Variants in ALG12 observed in about 807,000 individuals in gnomAD.
ALG12 encodes ALG12 alpha-1,6-mannosyltransferase, also known as dol-P-Man:Man(7)GlcNAc(2)-PP-Dol alpha-1,6-mannosyltransferase.
Under a neutral mutation model 46.0 loss-of-function variants are expected in ALG12, and 36 were observed. That is an observed-to-expected ratio of 0.78 (90% confidence interval 0.60 to 1.03). The LOEUF (loss-of-function observed/expected upper bound fraction) is 1.03, where lower values mean the gene tolerates loss of function less well. Among genes scored for constraint, ALG12 ranks in the 50% least tolerant of loss-of-function variants. The pLI is 0.00. For missense variants in ALG12, 599 were observed against 633.5 expected (o/e 0.95, Z 0.58); for synonymous variants, 326 against 291.6 (o/e 1.12, Z -1.20).
At chr22:49,865,037 G>A in the ALG12 span, among the ~76,000 whole-genome samples, 1 of 144,986 alleles carries the variant, frequency 6.9e-6, no homozygotes, top group Non-Finnish European at 1.5e-5. Context: ...TGCAAGTGAC[G>A]GCAGCCCCGG....
the ALG12 span, chr22:49,887,040 A>T: frequency 3.1e-6 from 5 of 1,613,952 alleles, no homozygotes; most frequent in East Asian, 1.1e-4. Context: ...GCTGCCCCCC[A>T]AGCATCGTCC....
At chr22:49,910,931 C>T (rs1458040713) in intron 3 of ALG12, among the ~76,000 whole-genome samples, 1 of 152,230 alleles carries the variant, frequency 6.6e-6, no homozygotes, top group African/African-American at 2.4e-5. Context: ...CGGGCTGTGG[C>T]ATCTCCAGGG....
chr22:49,886,466 G>A, the ALG12 span: 297 of 1,571,178 alleles, frequency 1.9e-4, no homozygotes, highest in African/African-American at 3.4e-3. The surrounding 1 kb of genome is among the most constrained non-coding windows in gnomAD (Gnocchi z 7.7). Flanking sequence ...TCCGTGTGCC[G>A]TGCGCTAAAG....
the ALG12 span, among the ~76,000 whole-genome samples, chr22:49,892,712 G>A: frequency 6.6e-6 from 1 of 152,282 alleles, no homozygotes; most frequent in South Asian, 2.1e-4. Flanking sequence ...CATGGCTTGA[G>A]CCATCTCAGC....
chr22:49,894,808 G>C, the ALG12 span, among the ~76,000 whole-genome samples: 1 of 152,232 alleles, frequency 6.6e-6, no homozygotes, highest in Non-Finnish European at 1.5e-5. Flanking sequence ...CCTGCCGGAC[G>C]GCCGTCTCCT....
chr22:49,884,160 G>T, the ALG12 span: 1 of 1,613,010 alleles, frequency 6.2e-7, no homozygotes, highest in South Asian at 1.1e-5. Context: ...GCGCACACCC[G>T]ACCGTGCTCA....
chr22:49,895,592 C>T (rs2060480584), downstream of ALG12, among the ~76,000 whole-genome samples: 3 of 151,230 alleles, frequency 2.0e-5, no homozygotes, highest in Non-Finnish European at 4.4e-5. Flanking sequence ...GCAGTGGTTG[C>T]AGTGAGCTGA....
At chr22:49,873,769 A>T in the ALG12 span, among the ~76,000 whole-genome samples, 56 of 152,280 alleles carry the variant, frequency 3.7e-4, 2 homozygotes, top group East Asian at 0.011. Flanking sequence ...GAGAGTCAAG[A>T]CCAACCTAGA....
chr22:49,870,135 G>A, the ALG12 span, among the ~76,000 whole-genome samples: 1 of 152,208 alleles, frequency 6.6e-6, no homozygotes, highest in Non-Finnish European at 1.5e-5. Context: ...ATGCATGCAT[G>A]TTGCTGCAAG....
chr22:49,868,174 T>G, the ALG12 span, among the ~76,000 whole-genome samples: 1 of 152,270 alleles, frequency 6.6e-6, no homozygotes, highest in African/African-American at 2.4e-5. Context: ...AGTCTTCTTT[T>G]TTGTTGTTGT....
the ALG12 span, among the ~76,000 whole-genome samples, chr22:49,862,210 G>A: frequency 2.0e-3 from 298 of 152,362 alleles, 2 homozygotes; most frequent in African/African-American, 7.0e-3. Flanking sequence ...GGCCCTGTGC[G>A]TGGAACCTAT....
At chr22:49,885,818 A>G in the ALG12 span, 7 of 1,581,260 alleles carry the variant, frequency 4.4e-6, no homozygotes, top group African/African-American at 5.4e-5. Context: ...ATTATGTCCC[A>G]CCTTAAGGAA....
the ALG12 span, among the ~76,000 whole-genome samples, chr22:49,860,965 G>A: frequency 1.6e-3 from 241 of 147,436 alleles, 1 homozygote; most frequent in Non-Finnish European, 2.7e-3. Flanking sequence ...CTTTAGTAGA[G>A]ATGGGGTTTC....
chr22:49,887,267 G>C, the ALG12 span: 3 of 1,395,922 alleles, frequency 2.1e-6, no homozygotes, highest in South Asian at 2.7e-5. Context: ...GCCCACGGCT[G>C]TGTACGACAT....
the ALG12 span, among the ~76,000 whole-genome samples, chr22:49,859,451 C>T: frequency 3.3e-5 from 5 of 152,144 alleles, no homozygotes; most frequent in African/African-American, 9.7e-5. Context: ...CCTTTTCACT[C>T]CATACGTGGT....
chr22:49,904,542 G>T, intron 7 of ALG12, 36 bp from the exon 8 acceptor site: 1 of 1,610,764 alleles, frequency 6.2e-7, no homozygotes, highest in Non-Finnish European at 8.5e-7. Flanking sequence ...TAGGCAGAAC[G>T]TAATGACAAT....
chr22:49,860,430 C>T, the ALG12 span, among the ~76,000 whole-genome samples: 1 of 152,218 alleles, frequency 6.6e-6, no homozygotes, highest in African/African-American at 2.4e-5. Flanking sequence ...AATGTGCATA[C>T]AGTAGGTTGT....
Position 49,903,813 on chromosome 22 carries a change from G to A in ALG12, c.*25C>T. The stretch of plus-strand genomic sequence containing the variant: ...GATAACAGCTCCTGGAAGGCCTGTG[G>A]CTGCTGAGGGCTGCCTGGTCCCCCT... On this transcript the variant is annotated 3_prime_UTR_variant, in exon 10 of 10. Coordinates refer to ENST00000330817, the MANE Select transcript of ALG12 (RefSeq NM_024105.4). 1 of 1,611,632 alleles carries A rather than the reference G, an allele frequency of 6.2e-7. No individual in the cohort carries two copies.
chr22:49,897,202 A>G (rs911268733), downstream of ALG12, among the ~76,000 whole-genome samples: 1 of 150,322 alleles, frequency 6.7e-6, no homozygotes, highest in Admixed American at 6.6e-5. Flanking sequence ...AATAACAGAC[A>G]TGCCACAGTT....
Sources: gnomAD v4.1 joint callset for allele counts (sites outside exome capture counted in the v4.1 genomes callset) on GRCh38, gnomAD v4.1.1 for gene constraint, Gnocchi (gnomAD v3.1) non-coding constraint, MANE v1.5 for transcripts, NCBI Gene and HGNC (gene_info 2026-07-23, HGNC 2026-07-21) for gene names.